The following SYTL1 variants were observed in gnomAD, a reference collection of about 807,000 sequenced individuals.
The protein encoded by SYTL1 is synaptotagmin like 1, also known as synaptotagmin-like protein 1.
A neutral mutation model predicts 74.6 loss-of-function variants in SYTL1; 53 were observed. The observed-to-expected ratio is 0.71, with a 90% confidence interval of 0.57 to 0.89. The LOEUF is 0.89. Ranked by LOEUF, SYTL1 falls within the 40% of genes least tolerant of loss-of-function variation. The probability of loss-of-function intolerance (pLI) is 0.00; values close to 1 mark genes in which losing one functional copy is unlikely to be tolerated. For synonymous variants in SYTL1, 329 were observed against 324.9 expected (o/e 1.01, Z -0.14); for missense variants, 728 against 768.7 (o/e 0.95, Z 0.63).
chr1:27,347,555 A>G lies in SYTL1; in HGVS notation c.326A>G (p.Lys109Arg), dbSNP rs2015053446. Reference sequence around the variant, plus strand: ...CTTGTCCGAGCGTCTATGCGCAGGAAGAAGAGCACCAGGGGTGAGAGGAGA... The same window carrying G: ...CTTGTCCGAGCGTCTATGCGCAGGAGGAAGAGCACCAGGGGTGAGAGGAGA... ...SDLVRASMRR[K>R]KSTRGDQAPG... Residue 109 changes from lysine to arginine, a missense_variant, in exon 3 of 15, where the codon AAG (lysine) becomes AGG (arginine). By Grantham distance (26) the Lys-to-Arg change is conservative (BLOSUM62 2). Coordinates refer to ENST00000616558, the MANE Select transcript of SYTL1 (RefSeq NM_001193308.2). This position sits in a 1 kb window ranked among gnomAD's most constrained non-coding sequence, Gnocchi z 4.9. 1.2e-6 allele frequency: 2 copies of G among 1,614,028 alleles called. No homozygotes were observed. Among genetic ancestry groups the G allele is most frequent in the African/African-American group, 2.7e-5 (2 of 75,062 alleles).
intron 6 of SYTL1, 26 bp from the exon 7 acceptor site, chr1:27,349,372 G>A (rs2015138742): frequency 1.4e-6 from 2 of 1,432,644 alleles, no homozygotes; most frequent in East Asian, 2.5e-5. Flanking sequence ...GAGAGGGCTC[G>A]CTTAGCATCT....
In SYTL1 at chr1:27,348,086, A is replaced by G; in HGVS notation, c.459+74A>G. 6.8e-7 allele frequency: 1 copy of G among 1,459,892 alleles called. No individual in the cohort carries two copies. The highest frequency in any genetic ancestry group is 9.6e-7 in the Non-Finnish European group (1 of 1,040,708). The allele number at this position is 1,459,892 out of a possible 1,614,324, so 90.4% of individuals were successfully genotyped here. A position where few individuals can be genotyped will look rare whatever the true frequency, so the allele number is the denominator to read the frequency against. ...GGAATGTGCAGGGGGCAGGGGGGAA[A>G]GAGCCCCAGCCTGGGAATGGGGAGA... is the stretch of plus-strand genomic sequence containing the variant. On this transcript the variant is annotated intron_variant, in intron 5 of 14. Coordinates refer to ENST00000616558, the MANE Select transcript of SYTL1 (RefSeq NM_001193308.2). This position sits in a 1 kb window ranked among gnomAD's most constrained non-coding sequence, Gnocchi z 4.1.
chr1:27,351,440 C>CGCTCG lies in SYTL1; in HGVS notation c.1244-16_1244-15insGCTCG. The CGCTCG allele has an allele frequency of 6.6e-7, 1 of 1,514,090 alleles. No individual in the cohort carries two copies. Among genetic ancestry groups the CGCTCG allele is most frequent in the Non-Finnish European group, 8.9e-7 (1 of 1,127,008 alleles). The allele number at this position is 1,514,090 out of a possible 1,614,324, so 93.8% of individuals were successfully genotyped here. Reference sequence around the variant, plus strand: ...GACTCCATCCGTGTGCGGGCCTGAGCCGAGCCTCTCCGCAGGCGCAGGACT... The same window carrying CGCTCG: ...GACTCCATCCGTGTGCGGGCCTGAGCGCTCGCGAGCCTCTCCGCAGGCGCAGGACT... On this transcript the variant is annotated splice_polypyrimidine_tract_variant and intron_variant, in intron 12 of 14. Transcript: ENST00000616558. The surrounding 1 kb of genome is among the most constrained non-coding windows in gnomAD (Gnocchi z 5.0).
Position 27,351,792 on chromosome 1 carries a change from G to T in SYTL1, c.1343+237G>T. 2.3e-6 allele frequency: 1 copy of T among 442,118 alleles called. No homozygotes were observed. Among genetic ancestry groups the T allele is most frequent in the Non-Finnish European group, 4.0e-6 (1 of 251,484 alleles). The allele number at this position is 442,118 out of a possible 1,614,324, so 27.4% of individuals were successfully genotyped here. A position where few individuals can be genotyped will look rare whatever the true frequency, so the allele number is the denominator to read the frequency against. Reference sequence around the variant, plus strand: ...GACTTGTTGAAAAGCTGAGGCTGAGGGCTGCAAGGGTCCTTCCATAGAGAA... The same window carrying T: ...GACTTGTTGAAAAGCTGAGGCTGAGTGCTGCAAGGGTCCTTCCATAGAGAA... On this transcript the variant is annotated intron_variant, in intron 13 of 14. Transcript: ENST00000616558. This position sits in a 1 kb window ranked among gnomAD's most constrained non-coding sequence, Gnocchi z 5.0.
At position 27,350,012 on chromosome 1, in the gene SYTL1, C is replaced by A. The variant is rs774405748; in HGVS notation, c.788C>A (p.Ala263Glu). ...ATGAGCCTGTCAGGCGACGCGGAGG[C>A]GGTGCAGGTCCGCGGCTCCGTGCAC... ...SQMSLSGDAEAVQVRGSVHFA... is the reference protein window; with the variant it reads ...SQMSLSGDAEEVQVRGSVHFA... Residue 263 changes from alanine to glutamate, a missense_variant, in exon 9 of 15, where the codon GCG becomes GAG. Coordinates refer to ENST00000616558, the MANE Select transcript of SYTL1 (RefSeq NM_001193308.2). This position sits in a 1 kb window ranked among gnomAD's most constrained non-coding sequence, Gnocchi z 6.3. 1.6e-4 allele frequency: 246 copies of A among 1,559,438 alleles called. No homozygotes were observed. The Middle Eastern group carries it at 2.1e-3, about 13-fold the overall frequency.
At chr1:27,349,930 G>A (rs1397527435) in intron 8 of SYTL1, 42 bp from the exon 9 acceptor site, 1 of 1,560,936 alleles carries the variant, frequency 6.4e-7, no homozygotes, top group Non-Finnish European at 8.6e-7. Context: ...CCCGACGTGA[G>A]CCCTGCGAGC....
chr1:27,350,108 C>A lies in SYTL1; in HGVS notation c.884C>A (p.Ala295Asp), dbSNP rs887510487. 1 of 1,394,284 alleles carries A rather than the reference C, an allele frequency of 7.2e-7. No individual in the cohort carries two copies. Among genetic ancestry groups the A allele is most frequent in the African/African-American group, 1.5e-5 (1 of 65,210 alleles). The allele number at this position is 1,394,284 out of a possible 1,614,324, so 86.4% of individuals were successfully genotyped here. ...GTGATCCAGTGCCAGGGCCTGGCCG[C>A]CGCCCGGCGCCGCCGCTCGGACCCG... is the stretch of plus-strand genomic sequence containing the variant. ...VHVIQCQGLA[A>D]ARRRRSDPYV... Residue 295 changes from alanine (A) to aspartate (D), a missense_variant, in exon 9 of 15, where the codon GCC becomes GAC. Transcript: ENST00000616558. The surrounding 1 kb of genome is among the most constrained non-coding windows in gnomAD (Gnocchi z 6.3).
At chr1:27,346,971 A>C (rs780089834) in intron 2 of SYTL1, among the ~76,000 whole-genome samples, 104 of 151,656 alleles carry the variant, frequency 6.9e-4, no homozygotes, top group Non-Finnish European at 1.3e-3. Context: ...ATATATAAAA[A>C]ATTAGCTGGG....
chr1:27,349,015 A>C lies in SYTL1; in HGVS notation c.460-65A>C. On this transcript the variant is annotated intron_variant, in intron 5 of 14. Coordinates refer to ENST00000616558, the MANE Select transcript of SYTL1 (RefSeq NM_001193308.2). ...TGGAGCCCTATGACCTCTGACCCCA[A>C]TATGACCTTTGACCTCTTCCTCACC... The C allele has an allele frequency of 1.1e-5, 14 of 1,317,732 alleles. No individual in the cohort carries two copies. In the South Asian group the frequency reaches 1.4e-4, roughly 13 times the overall value. The allele number at this position is 1,317,732 out of a possible 1,614,324, so 81.6% of individuals were successfully genotyped here.
At chr1:27,352,715 T>G (rs1156726058) in intron 13 of SYTL1, 1 of 154,324 alleles carries the variant, frequency 6.5e-6, no homozygotes, top group African/African-American at 2.4e-5. Flanking sequence ...GGTCTCAATC[T>G]CCTGACCTCG....
rs149053290 is a variant in SYTL1, at chr1:27,353,783, C to T, written c.1620C>T (p.Leu540=). ...AGGAGAAGCAGCTGTGGCAAGCCCT[C>T]CTGGAGCAGCCGTGCGAATGGGTGG... ...TPEEKQLWQA[L]LEQPCEWVDG... Residue 540 remains leucine, a synonymous_variant, in exon 15 of 15, where the codon CTC becomes CTT. Coordinates refer to ENST00000616558, the MANE Select transcript of SYTL1 (RefSeq NM_001193308.2). 5.6e-6 allele frequency: 9 copies of T among 1,614,088 alleles called. No homozygotes were observed. The highest frequency in any genetic ancestry group is 5.9e-6 in the Non-Finnish European group (7 of 1,179,978).
intron 13 of SYTL1, 24 bp from the exon 14 acceptor site, chr1:27,353,259 G>C (rs1455309101): frequency 1.3e-5 from 20 of 1,565,742 alleles, no homozygotes; most frequent in Non-Finnish European, 1.6e-5. Context: ...GGGGTCACCT[G>C]ATGCCAGGCC....
chr1:27,346,689 G>A (rs540705008), intron 2 of SYTL1, among the ~76,000 whole-genome samples: 1 of 151,940 alleles, frequency 6.6e-6, no homozygotes, highest in South Asian at 2.1e-4. Flanking sequence ...TTGAACCCAG[G>A]AGGTCAGGCT....
At position 27,350,246 on chromosome 1, in the gene SYTL1, G is replaced by A. The variant is rs7552152; in HGVS notation, c.908+114G>A. On this transcript the variant is annotated intron_variant, in intron 9 of 14. Coordinates refer to ENST00000616558, the MANE Select transcript of SYTL1 (RefSeq NM_001193308.2). This position sits in a 1 kb window ranked among gnomAD's most constrained non-coding sequence, Gnocchi z 6.3. Reference sequence around the variant, plus strand: ...AATGGGAACAACAGCGTTATTGGGAGGCGTGCGATTAAGCGAGACAATCCC... The same window carrying A: ...AATGGGAACAACAGCGTTATTGGGAAGCGTGCGATTAAGCGAGACAATCCC... The A allele has an allele frequency of 7.2e-4, 1,065 of 1,482,964 alleles. 10 individuals carry two copies. The African/African-American group carries it at 0.013, about 18-fold the overall frequency. 91.9% of individuals were successfully genotyped at this position (1,482,964 alleles called of 1,614,324 possible). A position where few individuals can be genotyped will look rare whatever the true frequency, so the allele number is the denominator to read the frequency against.
chr1:27,350,082 C>A lies in SYTL1; in HGVS notation c.858C>A (p.His286Gln). Residue 286 changes from histidine (H) to glutamine (Q), a missense_variant, in exon 9 of 15, where the codon CAC becomes CAA. By Grantham distance (24) the His-to-Gln change is conservative. Transcript: ENST00000616558. This position sits in a 1 kb window ranked among gnomAD's most constrained non-coding sequence, Gnocchi z 6.3. ...CGGGCGCCGCCGAGCTGCGCGTGCA[C>A]GTGATCCAGTGCCAGGGCCTGGCCG... ...YEPGAAELRV[H>Q]VIQCQGLAAA... 1 of 1,486,276 alleles carries A rather than the reference C, an allele frequency of 6.7e-7. No homozygotes were observed. The highest frequency in any genetic ancestry group is 8.9e-7 in the Non-Finnish European group (1 of 1,124,314). The allele number at this position is 1,486,276 out of a possible 1,614,324, so 92.1% of individuals were successfully genotyped here. A position where few individuals can be genotyped will look rare whatever the true frequency, so the allele number is the denominator to read the frequency against.
In SYTL1 at chr1:27,349,957, C is replaced by A; in HGVS notation, c.748-15C>A. The A allele has an allele frequency of 6.4e-7, 1 of 1,570,794 alleles. No individual in the cohort carries two copies. Among genetic ancestry groups the A allele is most frequent in the South Asian group, 1.2e-5 (1 of 86,954 alleles). On this transcript the variant is annotated splice_polypyrimidine_tract_variant and intron_variant, in intron 8 of 14. Coordinates refer to ENST00000616558, the MANE Select transcript of SYTL1 (RefSeq NM_001193308.2). Reference sequence around the variant, plus strand: ...CCTGCGAGCGGCCCTGACTCCCACCCACTCCCGTCCGCAGCTGAGCGGCAG... The same window carrying A: ...CCTGCGAGCGGCCCTGACTCCCACCAACTCCCGTCCGCAGCTGAGCGGCAG...
Position 27,347,447 on chromosome 1 carries a change from C to G in SYTL1, c.218C>G (p.Pro73Arg). The G allele has an allele frequency of 1.2e-6, 2 of 1,614,088 alleles. No homozygotes were observed. Among genetic ancestry groups the G allele is most frequent in the Non-Finnish European group, 1.7e-6 (2 of 1,180,024 alleles). The change falls in exon 3 of 15, where the codon CCT becomes CGT. Residue 73 changes from proline to arginine, a missense_variant. Physicochemically the swap from Pro to Arg is moderately radical, Grantham distance 103. Coordinates refer to ENST00000616558, the MANE Select transcript of SYTL1 (RefSeq NM_001193308.2). The surrounding 1 kb of genome is among the most constrained non-coding windows in gnomAD (Gnocchi z 4.9). ...VSKLRASVAD[P>R]GQLKILTGDW... ...AAGCTCCGGGCCTCAGTGGCAGACCCTGGGCAGCTGAAGATCCTGACAGGG... is the reference window on the plus strand; with the variant it reads ...AAGCTCCGGGCCTCAGTGGCAGACCGTGGGCAGCTGAAGATCCTGACAGGG...
intron 1 of SYTL1, among the ~76,000 whole-genome samples, chr1:27,344,709 G>A (rs2014920167): frequency 6.6e-6 from 1 of 151,118 alleles, no homozygotes; most frequent in African/African-American, 2.4e-5. Flanking sequence ...AATTAGCTGG[G>A]CGTGATGGTG....
chr1:27,344,579 T>G (rs1431075064), intron 1 of SYTL1, among the ~76,000 whole-genome samples: 3 of 135,662 alleles, frequency 2.2e-5, no homozygotes, highest in Non-Finnish European at 3.2e-5. Flanking sequence ...GGGCCGGGCG[T>G]GGTGGCTCAC....
Sources: gnomAD v4.1 joint callset for allele counts (sites outside exome capture counted in the v4.1 genomes callset) on GRCh38, gnomAD v4.1.1 for gene constraint, Gnocchi (gnomAD v3.1) non-coding constraint, MANE v1.5 for transcripts, NCBI Gene and HGNC (gene_info 2026-07-23, HGNC 2026-07-21) for gene names.